RAP1GDS1: variants seen among roughly 807,000 people sequenced by gnomAD.
RAP1GDS1 encodes RAP1, GTP-GDP dissociation stimulator 1.
In RAP1GDS1, 35 loss-of-function variants were observed where a neutral mutation model predicts 71.1. The observed-to-expected ratio is 0.49, with a 90% CI of 0.38 to 0.65. The LOEUF is 0.65. Among genes scored for constraint, RAP1GDS1 ranks in the 30% least tolerant of loss-of-function variants. The pLI, the probability that RAP1GDS1 is intolerant of heterozygous loss-of-function variation, is 0.00. For missense variants in RAP1GDS1, 663 were observed against 706.1 expected, an observed-to-expected ratio of 0.94 and a Z score of 0.69; for synonymous variants, 229 against 243.1, an observed-to-expected ratio of 0.94 and a Z score of 0.54.
intron 1 of RAP1GDS1, among the ~76,000 whole-genome samples, chr4:98,280,202 T>C (rs1185484086): frequency 6.6e-6 from 1 of 152,228 alleles, no homozygotes; most frequent in Non-Finnish European, 1.5e-5. Flanking sequence ...CCACAATGGT[T>C]GAACTAGTTT....
At chr4:98,337,609 T>G (rs1237689156) in intron 2 of RAP1GDS1, among the ~76,000 whole-genome samples, 1 of 152,166 alleles carries the variant, frequency 6.6e-6, no homozygotes, top group African/African-American at 2.4e-5. Context: ...ACAAATGCTC[T>G]TAATAAAAAA....
intron 2 of RAP1GDS1, among the ~76,000 whole-genome samples, chr4:98,314,429 G>A (rs763954410): frequency 6.6e-6 from 1 of 152,136 alleles, no homozygotes; most frequent in Non-Finnish European, 1.5e-5. Context: ...CAATCTCTTT[G>A]TAAACTCAAT....
At chr4:98,269,024 CA>C (rs1329338594) in intron 1 of RAP1GDS1, among the ~76,000 whole-genome samples, 1 of 151,646 alleles carries the variant, frequency 6.6e-6, no homozygotes, top group African/African-American at 2.4e-5. Flanking sequence ...AGAACAAGGC[CA>C]GGGGCATCAC....
At chr4:98,382,197 T>A (rs1214202240) in intron 5 of RAP1GDS1, among the ~76,000 whole-genome samples, 1 of 151,576 alleles carries the variant, frequency 6.6e-6, no homozygotes, top group East Asian at 1.9e-4. Flanking sequence ...GTTTCCCTAT[T>A]GGTGAAGCAG....
intron 4 of RAP1GDS1, among the ~76,000 whole-genome samples, chr4:98,362,317 A>G (rs1455939315): frequency 6.6e-6 from 1 of 152,148 alleles, no homozygotes; most frequent in Non-Finnish European, 1.5e-5. Context: ...GCATCTCTAC[A>G]AAAAATAAAT....
chr4:98,406,504 A>G (rs1052246922), intron 7 of RAP1GDS1, among the ~76,000 whole-genome samples: 1 of 152,072 alleles, frequency 6.6e-6, no homozygotes, highest in African/African-American at 2.4e-5. Flanking sequence ...ACCGTTATAC[A>G]TTATCCCAAA....
chr4:98,364,766 C>T (rs1023986994), intron 4 of RAP1GDS1, among the ~76,000 whole-genome samples: 4 of 151,594 alleles, frequency 2.6e-5, no homozygotes, highest in Non-Finnish European at 2.9e-5. Context: ...GTGGCTCACA[C>T]CTGTAATCCC....
intron 5 of RAP1GDS1, 99 bp from the exon 6 acceptor site, chr4:98,391,853 G>A: frequency 1.7e-6 from 2 of 1,166,504 alleles, no homozygotes; most frequent in Non-Finnish European, 2.3e-6. Context: ...ATAACTTTGA[G>A]TTTCCAATAG....
At chr4:98,288,251 A>G (rs1726335464) in intron 1 of RAP1GDS1, among the ~76,000 whole-genome samples, 2 of 152,088 alleles carry the variant, frequency 1.3e-5, no homozygotes, top group African/African-American at 2.4e-5. Flanking sequence ...CTCAGTGTTC[A>G]GTTCCCACCT....
chr4:98,285,061 G>A (rs1443899025), intron 1 of RAP1GDS1, among the ~76,000 whole-genome samples: 1 of 152,112 alleles, frequency 6.6e-6, no homozygotes, highest in African/African-American at 2.4e-5. Flanking sequence ...ATCTATGAGC[G>A]TAATAAAATG....
intron 6 of RAP1GDS1, among the ~76,000 whole-genome samples, chr4:98,401,579 T>C (rs1265660725): frequency 6.6e-6 from 1 of 152,230 alleles, no homozygotes; most frequent in Non-Finnish European, 1.5e-5. Flanking sequence ...TGGAGTCTGC[T>C]GATAATATTA....
chr4:98,355,829 T>G (rs1358302458), intron 4 of RAP1GDS1, among the ~76,000 whole-genome samples: 1 of 152,162 alleles, frequency 6.6e-6, no homozygotes, highest in Non-Finnish European at 1.5e-5. Flanking sequence ...GGTAACAGAC[T>G]GGCATACCGC....
chr4:98,293,770 C>G (rs1382892421), intron 2 of RAP1GDS1, among the ~76,000 whole-genome samples: 2 of 151,980 alleles, frequency 1.3e-5, no homozygotes, highest in African/African-American at 4.8e-5. Context: ...TAATACCAGT[C>G]CCAGAGAGAG....
At chr4:98,359,956 A>C (rs192961922) in intron 4 of RAP1GDS1, among the ~76,000 whole-genome samples, 1 of 152,314 alleles carries the variant, frequency 6.6e-6, no homozygotes, top group African/African-American at 2.4e-5. Flanking sequence ...GTAGCACTGC[A>C]CCAGGTTTAT....
chr4:98,277,584 C>T (rs1724416285), intron 1 of RAP1GDS1, among the ~76,000 whole-genome samples: 1 of 152,118 alleles, frequency 6.6e-6, no homozygotes, highest in South Asian at 2.1e-4. Context: ...AGTCATTTTT[C>T]ATAGTCTAAC....
chr4:98,419,870 C>G, intron 10 of RAP1GDS1, 149 bp from the exon 11 acceptor site: 1 of 811,486 alleles, frequency 1.2e-6, no homozygotes, highest in Non-Finnish European at 1.8e-6. Context: ...GAATTCCATT[C>G]TTAAAATTGA....
intron 4 of RAP1GDS1, among the ~76,000 whole-genome samples, 174 bp from the exon 5 acceptor site, chr4:98,378,843 C>T (rs1024711969): frequency 6.6e-6 from 1 of 151,510 alleles, no homozygotes. Context: ...ATCCCACCCC[C>T]ATTTCCATGT....
At chr4:98,348,538 CCA>C (rs1736659706) in intron 3 of RAP1GDS1, among the ~76,000 whole-genome samples, 1 of 152,174 alleles carries the variant, frequency 6.6e-6, no homozygotes, top group South Asian at 2.1e-4. Context: ...TGAGGAATCG[CCA>C]CACTGTCTTC....
At position 98,294,329 on chromosome 4, in the gene RAP1GDS1, A is replaced by G. The variant is rs188637222; in HGVS notation, c.112+814A>G. Among the ~76,000 whole-genome samples, 73 of 152,218 alleles carry G rather than the reference A, an allele frequency of 4.8e-4. 2 individuals carry two copies. In the East Asian group the frequency reaches 0.012, roughly 25 times the overall value. On this transcript the variant is annotated intron_variant, in intron 2 of 14. Transcript: ENST00000408927. ...TATATATTGTTAAGGTTTTAATTGT[A>G]AGGTTTCAACACTTATTGATATATG... is the stretch of plus-strand genomic sequence containing the variant.
Sources: gnomAD v4.1 joint callset for allele counts (sites outside exome capture counted in the v4.1 genomes callset) on GRCh38, gnomAD v4.1.1 for gene constraint, MANE v1.5 for transcripts, NCBI Gene and HGNC (gene_info 2026-07-23, HGNC 2026-07-21) for gene names.